The following SDHA variants were observed in gnomAD, a reference collection of about 807,000 sequenced individuals.
SDHA encodes succinate dehydrogenase complex flavoprotein subunit A.
A neutral mutation model predicts 78.4 loss-of-function variants in SDHA; 48 were observed. The ratio of observed to expected loss-of-function variants is 0.61; its 90% confidence interval spans 0.49 to 0.78. The LOEUF (loss-of-function observed/expected upper bound fraction) is 0.78. Ranked by LOEUF, SDHA falls within the 30% of genes least tolerant of loss-of-function variation. The pLI is 0.00. For synonymous variants in SDHA, 326 were observed against 353.9 expected (o/e 0.92, Z 0.88); for missense variants, 680 against 892.7 (o/e 0.76, Z 3.04).
chr5:242,792 G>C (rs1490628742), intron 11 of SDHA, among the ~76,000 whole-genome samples: 1 of 152,158 alleles, frequency 6.6e-6, no homozygotes, highest in Admixed American at 6.5e-5. Flanking sequence ...AGAAGCATCA[G>C]GGTAACAATG....
intron 10 of SDHA, among the ~76,000 whole-genome samples, chr5:240,049 G>C (rs1435463360): frequency 1.3e-5 from 2 of 152,186 alleles, no homozygotes; most frequent in Non-Finnish European, 2.9e-5. Context: ...GATTACAGGC[G>C]TGAGCCACCG....
intron 5 of SDHA, 41 bp downstream of exon 5, chr5:226,088 C>T: frequency 6.2e-7 from 1 of 1,609,814 alleles, no homozygotes. Flanking sequence ...ACACGTAGTG[C>T]TGGGGCTTAT....
intron 1 of SDHA, among the ~76,000 whole-genome samples, chr5:222,948 C>T (rs895516011): frequency 6.6e-6 from 1 of 152,154 alleles, no homozygotes; most frequent in Non-Finnish European, 1.5e-5. Flanking sequence ...GATGACACCT[C>T]GTCCCTCTAG....
intron 9 of SDHA, chr5:236,022 TC>T (rs1370947843): frequency 1.3e-5 from 4 of 299,856 alleles, no homozygotes; most frequent in Non-Finnish European, 2.0e-5. Flanking sequence ...GGTCTTTACT[TC>T]CCTCTCTTTT....
chr5:265,755 G>A, the SDHA span, among the ~76,000 whole-genome samples: 1 of 152,048 alleles, frequency 6.6e-6, no homozygotes, highest in South Asian at 2.1e-4. Flanking sequence ...GGGAGGCGGA[G>A]GTTGCAGTGA....
chr5:263,498 C>T, the SDHA span, among the ~76,000 whole-genome samples: 1 of 152,176 alleles, frequency 6.6e-6, no homozygotes, highest in African/African-American at 2.4e-5. Context: ...GAGAATGCCT[C>T]CTACGTGACG....
chr5:266,364 C>T, the SDHA span, among the ~76,000 whole-genome samples: 2 of 152,150 alleles, frequency 1.3e-5, no homozygotes, highest in Non-Finnish European at 2.9e-5. Flanking sequence ...GATTTAGTTT[C>T]CAAGAAATAA....
chr5:262,216 C>T, the SDHA span, among the ~76,000 whole-genome samples: 2 of 125,954 alleles, frequency 1.6e-5, no homozygotes, highest in Non-Finnish European at 3.3e-5. Flanking sequence ...GTGAGCTCCG[C>T]CTCCCGACAG....
At chr5:266,584 A>G in the SDHA span, among the ~76,000 whole-genome samples, 1 of 152,228 alleles carries the variant, frequency 6.6e-6, no homozygotes, top group Non-Finnish European at 1.5e-5. Context: ...CAAGGTTTTA[A>G]AGTGAACCCA....
chr5:261,735 C>T (rs528798977), downstream of SDHA, among the ~76,000 whole-genome samples: 1 of 23,386 alleles, frequency 4.3e-5, no homozygotes, highest in Non-Finnish European at 9.3e-5. Flanking sequence ...GTGAGCTCCG[C>T]CTCCCGGCAG....
intron 11 of SDHA, chr5:250,435 G>T (rs921102058): frequency 1.1e-5 from 2 of 189,622 alleles, no homozygotes; most frequent in African/African-American, 4.7e-5. Flanking sequence ...AAGGAACTCA[G>T]TGTACAAGGA....
intron 3 of SDHA, 135 bp from the exon 4 acceptor site, chr5:225,284 T>C (rs1734940815): frequency 2.7e-6 from 3 of 1,112,950 alleles, no homozygotes; most frequent in Admixed American, 1.7e-5. Flanking sequence ...GCTCCTCTGC[T>C]GAGGTCAGCC....
chr5:241,017 G>C, intron 11 of SDHA, among the ~76,000 whole-genome samples: 1 of 152,154 alleles, frequency 6.6e-6, no homozygotes, highest in East Asian at 1.9e-4. Flanking sequence ...GGTAAACAGC[G>C]GTAGGACGTA....
chr5:230,736 G>A (rs1735343025), intron 6 of SDHA, 140 bp from the exon 7 acceptor site: 1 of 1,071,256 alleles, frequency 9.3e-7, no homozygotes, highest in South Asian at 1.3e-5. Flanking sequence ...TATGTGTGGG[G>A]TGTGCGTGAG....
At chr5:221,162 C>A (rs58378472) in intron 1 of SDHA, among the ~76,000 whole-genome samples, 14,893 of 152,052 alleles carry the variant, frequency 0.098, 2,353 homozygotes, top group African/African-American at 0.33. Context: ...CACTAAAATT[C>A]TAGTGAGAAT....
chr5:228,791 A>C (rs1735205362), intron 6 of SDHA, among the ~76,000 whole-genome samples: 1 of 152,216 alleles, frequency 6.6e-6, no homozygotes, highest in African/African-American at 2.4e-5. Flanking sequence ...AAAAAGTGTC[A>C]GTACAGCCAA....
intron 7 of SDHA, 69 bp downstream of exon 7, chr5:231,069 C>G: frequency 6.5e-7 from 1 of 1,530,096 alleles, no homozygotes; most frequent in South Asian, 1.1e-5. Context: ...GATGCCTACT[C>G]ATTGCTCTTC....
chr5:229,774 A>C (rs957613486), intron 6 of SDHA, among the ~76,000 whole-genome samples: 1 of 151,260 alleles, frequency 6.6e-6, no homozygotes, highest in African/African-American at 2.5e-5. Flanking sequence ...TAGAGTTAAC[A>C]TTATACAGCA....
chr5:219,019 C>T (rs1361171338), intron 1 of SDHA, among the ~76,000 whole-genome samples: 1 of 152,242 alleles, frequency 6.6e-6, no homozygotes, highest in Non-Finnish European at 1.5e-5. Flanking sequence ...AAGCGCAAAT[C>T]TGTCCATGTC....
Sources: allele counts gnomAD v4.1 joint callset (sites outside exome capture counted in the v4.1 genomes callset), GRCh38; gene constraint gnomAD v4.1.1; transcripts MANE v1.5; gene names NCBI Gene and HGNC (gene_info 2026-07-23, HGNC 2026-07-21).